The following TSHZ1 variants were observed in gnomAD, a reference collection of about 807,000 sequenced individuals.
The protein encoded by TSHZ1 is teashirt zinc finger homeobox 1, also known as teashirt homolog 1.
A neutral mutation model predicts 67.1 loss-of-function variants in TSHZ1; 12 were observed. That is an observed-to-expected ratio of 0.18 (90% CI 0.11 to 0.29). The LOEUF is 0.29. TSHZ1 is among the 10% of genes least tolerant of loss of function. The pLI is 1.00. For missense variants in TSHZ1, 1,305 were observed against 1,413.9 expected (o/e 0.92, Z 1.23); for synonymous variants, 632 against 622.4 (o/e 1.02, Z -0.23).
chr18:75,250,896 A>G (rs2023294760), intron 1 of TSHZ1, among the ~76,000 whole-genome samples: 1 of 152,106 alleles, frequency 6.6e-6, no homozygotes, highest in South Asian at 2.1e-4. Context: ...GGGTGGTCTG[A>G]AGACCCCCGA....
chr18:75,267,903 G>A (rs982661963), intron 1 of TSHZ1, among the ~76,000 whole-genome samples: 1 of 152,134 alleles, frequency 6.6e-6, no homozygotes, highest in African/African-American at 2.4e-5. Flanking sequence ...CAGGGACAAG[G>A]TCAGAATTTC....
intron 1 of TSHZ1, among the ~76,000 whole-genome samples, chr18:75,258,067 T>A (rs896198275): frequency 3.3e-5 from 5 of 152,282 alleles, no homozygotes; most frequent in African/African-American, 1.2e-4. Context: ...CTAGGACCCA[T>A]CTGCCGGCTG....
chr18:75,285,958 G>A lies in TSHZ1; in HGVS notation c.551G>A (p.Ser184Asn), dbSNP rs545911090. 1.0e-5 allele frequency: 16 copies of A among 1,525,826 alleles called. No individual in the cohort carries two copies. The highest frequency in any genetic ancestry group is 1.3e-5 in the Non-Finnish European group (15 of 1,132,814). The allele number at this position is 1,525,826 out of a possible 1,614,324, so 94.5% of individuals were successfully genotyped here. Reference sequence around the variant, plus strand: ...AGCACCAGCTGCAGCTCCAGCACCAGCCACAGCAGTACCACCAGTACCAGC... The same window carrying A: ...AGCACCAGCTGCAGCTCCAGCACCAACCACAGCAGTACCACCAGTACCAGC... ...TPSTSCSSST[S>N]HSSTTSTSSS... Residue 184 changes from serine to asparagine, a missense_variant, in exon 2 of 2, where the codon AGC (serine) becomes AAC (asparagine). Physicochemically the swap from Ser to Asn is conservative, Grantham distance 46. This residue lies in a region of TSHZ1 where 358 missense variants were observed against 375.6 expected (regional missense o/e 0.95). Transcript: ENST00000580243.
At chr18:75,220,850 G>A (rs2022836790) in intron 1 of TSHZ1, among the ~76,000 whole-genome samples, 1 of 152,148 alleles carries the variant, frequency 6.6e-6, no homozygotes, top group African/African-American at 2.4e-5. Context: ...GTGCCAACAG[G>A]AACAGGGATT....
chr18:75,246,518 G>A (rs1004458156), intron 1 of TSHZ1, among the ~76,000 whole-genome samples: 1 of 150,656 alleles, frequency 6.6e-6, no homozygotes, highest in African/African-American at 2.4e-5. Context: ...CAGAACTCTT[G>A]ATCCCTTGAT....
At chr18:75,269,591 G>A (rs972417397) in intron 1 of TSHZ1, among the ~76,000 whole-genome samples, 1 of 152,170 alleles carries the variant, frequency 6.6e-6, no homozygotes, top group Non-Finnish European at 1.5e-5. Context: ...GGTGTGGTTG[G>A]AAACAGACGT....
chr18:75,225,879 G>A (rs989430056), intron 1 of TSHZ1, among the ~76,000 whole-genome samples: 1 of 152,152 alleles, frequency 6.6e-6, no homozygotes, highest in African/African-American at 2.4e-5. Context: ...AGAGCCACTT[G>A]GTGGAGAGGC....
chr18:75,280,930 C>A, intron 1 of TSHZ1: 2 of 589,016 alleles, frequency 3.4e-6, no homozygotes, highest in Non-Finnish European at 4.3e-6. Context: ...CAGTAGCTCA[C>A]ACCAGGCAGA....
chr18:75,286,249 A>C lies in TSHZ1; in HGVS notation c.842A>C (p.Glu281Ala). The C allele has an allele frequency of 6.2e-7, 1 of 1,613,984 alleles. No homozygotes were observed. The highest frequency in any genetic ancestry group is 1.6e-4 in the Middle Eastern group (1 of 6,062). The change falls in exon 2 of 2, where the codon GAG becomes GCG. Residue 281 changes from glutamate (E) to alanine (A), a missense_variant. By Grantham distance (107) the Glu-to-Ala change is moderately radical. Around this residue, in one of 3 missense-constraint regions of TSHZ1, gnomAD observed 358 missense variants for 375.6 expected, o/e 0.95. Coordinates refer to ENST00000580243, the MANE Select transcript of TSHZ1 (RefSeq NM_001308210.2). The surrounding 1 kb of genome is among the most constrained non-coding windows in gnomAD (Gnocchi z 5.1). ...GACGACAACAGGGACAAGGACTCCG[A>C]GAAGACCAAGAGGTGGTCCAAGCCC... is the stretch of plus-strand genomic sequence containing the variant. ...YRDDNRDKDS[E>A]KTKRWSKPRK... is the part of the protein sequence containing the mutation.
intron 1 of TSHZ1, among the ~76,000 whole-genome samples, chr18:75,268,734 C>T (rs2023522217): frequency 6.6e-6 from 1 of 152,166 alleles, no homozygotes; most frequent in Non-Finnish European, 1.5e-5. Flanking sequence ...CATTCATTTC[C>T]CTCCTGCCAT....
intron 1 of TSHZ1, among the ~76,000 whole-genome samples, chr18:75,243,947 C>T (rs1289433356): frequency 6.6e-6 from 1 of 152,158 alleles, no homozygotes; most frequent in Non-Finnish European, 1.5e-5. Flanking sequence ...CCAGGCCGCT[C>T]AAACTCCATG....
At chr18:75,280,622 T>C in intron 1 of TSHZ1, 1 of 381,680 alleles carries the variant, frequency 2.6e-6, no homozygotes, top group Non-Finnish European at 3.6e-6. Context: ...CTGTGTTACT[T>C]TGGGGAAGTC....
intron 1 of TSHZ1, among the ~76,000 whole-genome samples, chr18:75,274,053 G>A (rs374577750): frequency 7.9e-4 from 121 of 152,240 alleles, no homozygotes; most frequent in South Asian, 3.1e-3. Flanking sequence ...TGGTTCATAC[G>A]GTTCCTTGCG....
intron 1 of TSHZ1, among the ~76,000 whole-genome samples, chr18:75,269,005 C>T (rs189543188): frequency 4.6e-5 from 7 of 152,270 alleles, no homozygotes; most frequent in East Asian, 3.9e-4. Flanking sequence ...GTTTGATTGA[C>T]GACAGTGAGG....
chr18:75,286,028 G>T lies in TSHZ1; in HGVS notation c.621G>T (p.Thr207=), dbSNP rs200468182. The change falls in exon 2 of 2, where the codon ACG becomes ACT. Residue 207 remains threonine (T), a synonymous_variant. Coordinates refer to ENST00000580243, the MANE Select transcript of TSHZ1 (RefSeq NM_001308210.2). The surrounding 1 kb of genome is among the most constrained non-coding windows in gnomAD (Gnocchi z 5.1). ...GGCACCAGGCTGCACTGGCCAAGACGCTGCAGCAGACGTCCTCGTATGGGC... is the reference window on the plus strand; with the variant it reads ...GGCACCAGGCTGCACTGGCCAAGACTCTGCAGCAGACGTCCTCGTATGGGC... ...YDWHQAALAK[T]LQQTSSYGLL... The T allele has an allele frequency of 2.5e-6, 4 of 1,611,940 alleles. No individual in the cohort carries two copies. The highest frequency in any genetic ancestry group is 3.4e-6 in the Non-Finnish European group (4 of 1,179,384).
chr18:75,225,692 G>A (rs192087389), intron 1 of TSHZ1, among the ~76,000 whole-genome samples: 10 of 151,680 alleles, frequency 6.6e-5, no homozygotes, highest in Admixed American at 3.3e-4. Flanking sequence ...TGGTGGGCTC[G>A]CACGCCATCC....
intron 1 of TSHZ1, chr18:75,283,720 G>T (rs974813797): frequency 6.6e-5 from 10 of 152,370 alleles, no homozygotes; most frequent in African/African-American, 2.4e-4. Flanking sequence ...GTGTGTGTGT[G>T]TGTGCGTGTG....
At chr18:75,258,838 A>G (rs1242944925) in intron 1 of TSHZ1, among the ~76,000 whole-genome samples, 3 of 152,176 alleles carry the variant, frequency 2.0e-5, no homozygotes, top group African/African-American at 7.2e-5. Context: ...CCACTGATGG[A>G]TGACGATGAT....
At chr18:75,235,749 T>C (rs1195435277) in intron 1 of TSHZ1, among the ~76,000 whole-genome samples, 1 of 152,210 alleles carries the variant, frequency 6.6e-6, no homozygotes, top group East Asian at 1.9e-4. Flanking sequence ...GTTATCAGGA[T>C]TGAATATGGG....
Sources: gnomAD v4.1 joint callset for allele counts (sites outside exome capture counted in the v4.1 genomes callset) on GRCh38, gnomAD v4.1.1 for gene constraint, gnomAD v4.1.1 regional missense constraint, Gnocchi (gnomAD v3.1) non-coding constraint, MANE v1.5 for transcripts, NCBI Gene and HGNC (gene_info 2026-07-23, HGNC 2026-07-21) for gene names.